FAF1: variants seen among roughly 807,000 people sequenced by gnomAD.
The protein encoded by FAF1 is FAS-associated factor 1.
In FAF1, 25 loss-of-function variants were observed where a neutral mutation model predicts 92.5. The ratio of observed to expected loss-of-function variants is 0.27; its 90% CI spans 0.20 to 0.38. The LOEUF is 0.38. Ranked by LOEUF, FAF1 falls within the 10% of genes least tolerant of loss-of-function variation. FAF1 has a pLI of 1.00. For missense variants in FAF1, 636 were observed against 793.3 expected (o/e 0.80, Z 2.38); for synonymous variants, 234 against 273.2 (o/e 0.86, Z 1.42).
chr1:50,570,636 A>G (rs573207219), intron 12 of FAF1, among the ~76,000 whole-genome samples: 1 of 152,368 alleles, frequency 6.6e-6, no homozygotes, highest in South Asian at 2.1e-4. Flanking sequence ...AGTAGCTTTC[A>G]AAAGGAAAAC....
chr1:50,730,853 C>G (rs1190861470), intron 6 of FAF1, among the ~76,000 whole-genome samples: 1 of 152,230 alleles, frequency 6.6e-6, no homozygotes, highest in East Asian at 1.9e-4. Context: ...GCTTTTCACT[C>G]TCTCTCTGCC....
At chr1:50,864,487 C>T (rs1362836859) in intron 1 of FAF1, among the ~76,000 whole-genome samples, 1 of 152,008 alleles carries the variant, frequency 6.6e-6, no homozygotes, top group African/African-American at 2.4e-5. Context: ...GGTACCAAAA[C>T]AGAGATATAG....
At chr1:50,618,434 T>TTTC (rs1653032626) in intron 8 of FAF1, among the ~76,000 whole-genome samples, 1 of 147,954 alleles carries the variant, frequency 6.8e-6, no homozygotes, top group Non-Finnish European at 1.5e-5. Context: ...TTTTTTTTTT[T>TTTC]GTATTTTCAG....
At chr1:50,736,472 G>A (rs1659142124) in intron 6 of FAF1, among the ~76,000 whole-genome samples, 1 of 152,162 alleles carries the variant, frequency 6.6e-6, no homozygotes, top group Non-Finnish European at 1.5e-5. Context: ...TAAAGTGGCT[G>A]GGCACAGTGG....
intron 7 of FAF1, among the ~76,000 whole-genome samples, chr1:50,682,397 G>A (rs2124370125): frequency 6.6e-6 from 1 of 152,196 alleles, no homozygotes; most frequent in East Asian, 2.0e-4. Context: ...TAGCTACTTG[G>A]GAGGCTGAGG....
At chr1:50,502,097 A>G (rs781670997) in intron 15 of FAF1, among the ~76,000 whole-genome samples, 3 of 152,222 alleles carry the variant, frequency 2.0e-5, no homozygotes, top group Non-Finnish European at 4.4e-5. Context: ...TCATCATAAG[A>G]TTTCAAAAAA....
intron 1 of FAF1, among the ~76,000 whole-genome samples, chr1:50,950,798 C>G (rs1645208194): frequency 6.6e-6 from 1 of 152,240 alleles, no homozygotes; most frequent in Non-Finnish European, 1.5e-5. Flanking sequence ...TACTACATGA[C>G]AGCCAAGCAC....
chr1:50,564,090 T>G (rs775252124), intron 13 of FAF1, among the ~76,000 whole-genome samples: 8 of 152,196 alleles, frequency 5.3e-5, no homozygotes, highest in Non-Finnish European at 1.2e-4. Context: ...CCTACATACA[T>G]GAGAGATCCA....
intron 2 of FAF1, among the ~76,000 whole-genome samples, chr1:50,842,795 C>G (rs1405491438): frequency 6.6e-6 from 1 of 152,040 alleles, no homozygotes; most frequent in African/African-American, 2.4e-5. Flanking sequence ...TCATGCTATT[C>G]TATTATTCTA....
intron 8 of FAF1, among the ~76,000 whole-genome samples, chr1:50,642,199 T>C (rs1654366827): frequency 6.8e-6 from 1 of 146,148 alleles, no homozygotes; most frequent in Admixed American, 6.8e-5. Flanking sequence ...TGACACTTTG[T>C]CTCAGAAAAA....
At chr1:50,748,060 T>C (rs1310968039) in intron 4 of FAF1, among the ~76,000 whole-genome samples, 1 of 152,196 alleles carries the variant, frequency 6.6e-6, no homozygotes, top group Non-Finnish European at 1.5e-5. Context: ...TATTTTTTTA[T>C]AGCACTGCCA....
At chr1:50,507,750 C>A (rs938147965) in intron 15 of FAF1, among the ~76,000 whole-genome samples, 1 of 152,138 alleles carries the variant, frequency 6.6e-6, no homozygotes, top group African/African-American at 2.4e-5. Flanking sequence ...GTCTCAATTT[C>A]TTCTTTAGTG....
At chr1:50,918,148 G>A (rs1038149640) in intron 1 of FAF1, among the ~76,000 whole-genome samples, 10 of 149,976 alleles carry the variant, frequency 6.7e-5, no homozygotes, top group African/African-American at 1.7e-4. Context: ...CACTTACAAA[G>A]AGTACATTTC....
chr1:50,731,660 G>A (rs1195685602), intron 6 of FAF1, among the ~76,000 whole-genome samples: 2 of 151,972 alleles, frequency 1.3e-5, no homozygotes, highest in African/African-American at 4.8e-5. Context: ...GAGCCACCGC[G>A]CCCGGCCTCA....
intron 7 of FAF1, among the ~76,000 whole-genome samples, chr1:50,666,485 G>A (rs1034286069): frequency 6.6e-6 from 1 of 152,108 alleles, no homozygotes; most frequent in Non-Finnish European, 1.5e-5. Context: ...TGGGATTACA[G>A]GTTGTAAGCC....
At chr1:50,773,947 T>G (rs1660863379) in intron 4 of FAF1, among the ~76,000 whole-genome samples, 1 of 152,216 alleles carries the variant, frequency 6.6e-6, no homozygotes, top group African/African-American at 2.4e-5. Flanking sequence ...ACATACACAC[T>G]TATTAAACAT....
At position 50,441,292 on chromosome 1, in the gene FAF1, T is replaced by C; in HGVS notation, c.*148A>G. 3.7e-6 allele frequency: 2 copies of C among 540,632 alleles called. No individual in the cohort carries two copies. Among genetic ancestry groups the C allele is most frequent in the Non-Finnish European group, 6.7e-6 (2 of 298,488 alleles). The allele number at this position is 540,632 out of a possible 1,614,324, so 33.5% of individuals were successfully genotyped here. A position where few individuals can be genotyped will look rare whatever the true frequency, so the allele number is the denominator to read the frequency against. On this transcript the variant is annotated 3_prime_UTR_variant, in exon 19 of 19. Coordinates refer to ENST00000396153, the MANE Select transcript of FAF1 (RefSeq NM_007051.3). The stretch of plus-strand genomic sequence containing the variant: ...GGAAATCTTAAGTAGCTATATTTAT[T>C]ATTACTTTTTCCAGCAATTTTGCAA...
chr1:50,572,575 G>A (rs1237917375), intron 12 of FAF1, among the ~76,000 whole-genome samples: 1 of 152,152 alleles, frequency 6.6e-6, no homozygotes, highest in East Asian at 1.9e-4. Context: ...CATGACTCAA[G>A]ATAAGTGCAA....
chr1:50,861,445 C>T (rs1246133825), intron 1 of FAF1, among the ~76,000 whole-genome samples: 1 of 151,652 alleles, frequency 6.6e-6, no homozygotes, highest in Admixed American at 6.6e-5. Flanking sequence ...AGTGAAATGA[C>T]CCCGAAACAG....
Sources: allele counts gnomAD v4.1 joint callset (sites outside exome capture counted in the v4.1 genomes callset), GRCh38; gene constraint gnomAD v4.1.1; transcripts MANE v1.5; gene names NCBI Gene and HGNC (gene_info 2026-07-23, HGNC 2026-07-21).